Variants in CSMD1 observed in about 807,000 individuals in gnomAD.
CSMD1 encodes CUB and sushi domain-containing protein 1.
In CSMD1, 213 loss-of-function variants were observed where a neutral mutation model predicts 417.5. That is an observed-to-expected ratio of 0.51 (90% CI 0.46 to 0.57). The LOEUF is 0.57. Among genes scored for constraint, CSMD1 ranks in the 20% least tolerant of loss-of-function variants. The probability of loss-of-function intolerance (pLI) is 0.00; values close to 1 mark genes in which losing one functional copy is unlikely to be tolerated. For synonymous variants in CSMD1, 2,862 were observed against 1,736.8 expected (o/e 1.65, Z -16.11); for missense variants, 6,923 against 4,529.7 (o/e 1.53, Z -15.17).
intron 52 of CSMD1, among the ~76,000 whole-genome samples, chr8:3,012,130 A>C (rs142978499): frequency 6.6e-6 from 1 of 151,728 alleles, no homozygotes; most frequent in African/African-American, 2.4e-5. Context: ...GGTGGGCTAA[A>C]TTTTATACTA....
chr8:4,597,548 A>G (rs897049918), intron 2 of CSMD1, among the ~76,000 whole-genome samples: 6 of 152,192 alleles, frequency 3.9e-5, no homozygotes, highest in Admixed American at 2.0e-4. Flanking sequence ...ATTTGAAATA[A>G]AACTTATTTC....
chr8:3,124,805 G>T (rs1025604317), intron 41 of CSMD1, among the ~76,000 whole-genome samples: 1 of 152,118 alleles, frequency 6.6e-6, no homozygotes, highest in Non-Finnish European at 1.5e-5. Context: ...AATCCCATCT[G>T]CCAGTCAACA....
intron 4 of CSMD1, among the ~76,000 whole-genome samples, chr8:4,017,129 G>A (rs566339083): frequency 2.0e-5 from 3 of 152,166 alleles, no homozygotes; most frequent in Admixed American, 6.5e-5. Flanking sequence ...CGCTCTCCAT[G>A]CAATTGTACA....
At chr8:4,749,155 T>G (rs990957662) in intron 1 of CSMD1, among the ~76,000 whole-genome samples, 1 of 152,230 alleles carries the variant, frequency 6.6e-6, no homozygotes, top group Non-Finnish European at 1.5e-5. Flanking sequence ...TCATAGATTA[T>G]CACAGAAAAG....
At chr8:3,897,388 C>T (rs1807440527) in intron 5 of CSMD1, among the ~76,000 whole-genome samples, 1 of 152,068 alleles carries the variant, frequency 6.6e-6, no homozygotes, top group African/African-American at 2.4e-5. Context: ...ACGTGTGGGC[C>T]AATTATAAAA....
chr8:3,957,097 A>C (rs1451571095), intron 5 of CSMD1, among the ~76,000 whole-genome samples: 1 of 150,572 alleles, frequency 6.6e-6, no homozygotes, highest in East Asian at 2.0e-4. Flanking sequence ...ATGTCTTTGG[A>C]AACTATTTCC....
chr8:3,291,250 C>T (rs1366603794), intron 25 of CSMD1, among the ~76,000 whole-genome samples: 1 of 152,104 alleles, frequency 6.6e-6, no homozygotes, highest in Non-Finnish European at 1.5e-5. Context: ...AGGATTTTTG[C>T]ATCGATGTTC....
intron 3 of CSMD1, among the ~76,000 whole-genome samples, chr8:4,212,466 G>C (rs1800371893): frequency 6.6e-6 from 1 of 151,948 alleles, no homozygotes; most frequent in Non-Finnish European, 1.5e-5. Context: ...CTTAACATTT[G>C]TCCTTTCAGA....
At chr8:4,873,724 C>G (rs1802871499) in intron 1 of CSMD1, among the ~76,000 whole-genome samples, 1 of 152,058 alleles carries the variant, frequency 6.6e-6, no homozygotes, top group Non-Finnish European at 1.5e-5. Flanking sequence ...TATTTGGCTT[C>G]AAGGAGCTCA....
At chr8:4,365,635 G>A (rs1174403072) in intron 3 of CSMD1, among the ~76,000 whole-genome samples, 2 of 152,260 alleles carry the variant, frequency 1.3e-5, no homozygotes, top group Middle Eastern at 3.4e-3. Flanking sequence ...GAACACTAAC[G>A]GTGAATTTTA....
At chr8:3,258,373 C>T (rs568284527) in intron 26 of CSMD1, among the ~76,000 whole-genome samples, 2 of 152,054 alleles carry the variant, frequency 1.3e-5, no homozygotes, top group East Asian at 1.9e-4. Flanking sequence ...TAGAGAAATG[C>T]AAATTAAAAC....
chr8:4,659,086 A>G lies in CSMD1; in HGVS notation c.86-21528T>C, dbSNP rs187706204. 4.3e-3 allele frequency among the ~76,000 whole-genome samples: 651 copies of G among 152,296 alleles called. 8 individuals carry two copies. Among genetic ancestry groups the G allele is most frequent in the African/African-American group, 0.015 (636 of 41,574 alleles). On this transcript the variant is annotated intron_variant, in intron 1 of 69. Transcript: ENST00000635120. ...AAACCAGAGAACTTCACAAATACAT[A>G]CAAATAAAATAACCGATTAAAAATG... is the stretch of plus-strand genomic sequence containing the variant.
At chr8:3,335,718 C>T (rs17080040) in intron 23 of CSMD1, among the ~76,000 whole-genome samples, 4,220 of 152,222 alleles carry the variant, frequency 0.028, 201 homozygotes, top group African/African-American at 0.096. Context: ...GTAACAATGG[C>T]TTCTGTGTAT....
intron 8 of CSMD1, among the ~76,000 whole-genome samples, chr8:3,614,594 C>G (rs528093864): frequency 1.6e-4 from 25 of 152,258 alleles, no homozygotes; most frequent in African/African-American, 5.8e-4. Flanking sequence ...ACATGAAGTG[C>G]AATTTGAAGA....
chr8:3,918,932 G>A (rs1001875841), intron 5 of CSMD1, among the ~76,000 whole-genome samples: 1 of 130,088 alleles, frequency 7.7e-6, no homozygotes, highest in Non-Finnish European at 1.7e-5. Context: ...TTCAGTGTGG[G>A]CTGCTCGGGT....
intron 2 of CSMD1, among the ~76,000 whole-genome samples, chr8:4,462,603 G>T (rs145828935): frequency 6.6e-6 from 1 of 152,108 alleles, no homozygotes; most frequent in African/African-American, 2.4e-5. Flanking sequence ...CTAGGAAACC[G>T]CATTGATCAT....
At chr8:4,823,174 C>A (rs1280947852) in intron 1 of CSMD1, among the ~76,000 whole-genome samples, 2 of 152,036 alleles carry the variant, frequency 1.3e-5, no homozygotes, top group Non-Finnish European at 2.9e-5. Context: ...TGGTTCCTGT[C>A]AGATCTGTTT....
intron 5 of CSMD1, among the ~76,000 whole-genome samples, chr8:3,776,711 G>A (rs1050852958): frequency 1.3e-5 from 2 of 151,770 alleles, no homozygotes; most frequent in African/African-American, 4.9e-5. Context: ...TACCTGGAGA[G>A]ATGATAGATA....
chr8:3,219,221 T>A, intron 29 of CSMD1, 34 bp downstream of exon 29: 1 of 1,537,322 alleles, frequency 6.5e-7, no homozygotes. Context: ...CTGATACAAA[T>A]TAATTCCCAC....
Sources: gnomAD v4.1 joint callset for allele counts (sites outside exome capture counted in the v4.1 genomes callset) on GRCh38, gnomAD v4.1.1 for gene constraint, MANE v1.5 for transcripts, NCBI Gene and HGNC (gene_info 2026-07-23, HGNC 2026-07-21) for gene names.